Variants in ARHGEF10L observed in about 807,000 individuals in gnomAD.
ARHGEF10L encodes the protein Rho guanine nucleotide exchange factor 10 like.
ARHGEF10L carries 69 observed loss-of-function variants against 141.2 expected under a neutral mutation model. The observed-to-expected ratio is 0.49, with a 90% CI of 0.40 to 0.60. The LOEUF (loss-of-function observed/expected upper bound fraction) is 0.60. Ranked by LOEUF, ARHGEF10L falls within the 20% of genes least tolerant of loss-of-function variation. The probability of loss-of-function intolerance (pLI) is 0.00; values close to 1 mark genes in which losing one functional copy is unlikely to be tolerated. For synonymous variants in ARHGEF10L, 711 were observed against 718.5 expected, an observed-to-expected ratio of 0.99 and a Z score of 0.17; for missense variants, 1,482 against 1,734.3, an observed-to-expected ratio of 0.85 and a Z score of 2.58.
In ARHGEF10L at chr1:17,623,968, C is replaced by A. The variant is rs2060242339; in HGVS notation, c.1201-419C>A. ...TGGTAACTCAACTCTGGGCACGCTG[C>A]CCGGTGAGAGGCCAGGAGCACTTTC... On this transcript the variant is annotated intron_variant, in intron 12 of 28. Coordinates refer to ENST00000361221, the MANE Select transcript of ARHGEF10L (RefSeq NM_018125.4). The surrounding 1 kb of genome is among the most constrained non-coding windows in gnomAD (Gnocchi z 4.7). Among the ~76,000 whole-genome samples, 1 of 152,168 alleles carries A rather than the reference C, an allele frequency of 6.6e-6. No homozygotes were observed. Among genetic ancestry groups the A allele is most frequent in the South Asian group, 2.1e-4 (1 of 4,834 alleles).
intron 5 of ARHGEF10L, 69 bp downstream of exon 5, chr1:17,602,287 C>A: frequency 6.6e-7 from 1 of 1,507,152 alleles, no homozygotes; most frequent in East Asian, 2.5e-5. Flanking sequence ...TCTTTCTAAC[C>A]CAAGAGAGCT....
chr1:17,599,539 G>A (rs544203181), intron 4 of ARHGEF10L, among the ~76,000 whole-genome samples: 5 of 152,290 alleles, frequency 3.3e-5, no homozygotes, highest in African/African-American at 9.6e-5. Flanking sequence ...GCAATTCCGA[G>A]CAACTGATGT....
intron 27 of ARHGEF10L, among the ~76,000 whole-genome samples, chr1:17,690,710 T>C (rs2065038469): frequency 6.6e-6 from 1 of 152,162 alleles, no homozygotes; most frequent in Non-Finnish European, 1.5e-5. Context: ...CAGTGGAGCC[T>C]GGGGCCCTGC....
chr1:17,567,190 T>G (rs1221687407), intron 1 of ARHGEF10L, among the ~76,000 whole-genome samples: 2 of 152,222 alleles, frequency 1.3e-5, no homozygotes, highest in African/African-American at 4.8e-5. Context: ...CTAGCATTTT[T>G]GGGCACCTGT....
Position 17,619,478 on chromosome 1 carries a change from C to G in ARHGEF10L, c.942+33C>G. 6.8e-7 allele frequency: 1 copy of G among 1,468,392 alleles called. No individual in the cohort carries two copies. The highest frequency in any genetic ancestry group is 9.2e-7 in the Non-Finnish European group (1 of 1,090,904). 91.0% of individuals were successfully genotyped at this position (1,468,392 alleles called of 1,614,324 possible). The stretch of plus-strand genomic sequence containing the variant: ...GGGGAGTGGGGCAGGTGGGGGTCTG[C>G]AGGGGAAGGGGTGGCTTGGGGGTTC... On this transcript the variant is annotated intron_variant, in intron 10 of 28. Coordinates refer to ENST00000361221, the MANE Select transcript of ARHGEF10L (RefSeq NM_018125.4). This position sits in a 1 kb window ranked among gnomAD's most constrained non-coding sequence, Gnocchi z 5.0.
In ARHGEF10L at chr1:17,673,566, A is replaced by G. The variant is rs542565551; in HGVS notation, c.3009+8971A>G. On this transcript the variant is annotated intron_variant, in intron 26 of 28. Transcript: ENST00000361221. This position sits in a 1 kb window ranked among gnomAD's most constrained non-coding sequence, Gnocchi z 4.1. ...TGCAGAGGGTGTAGGCTAGTGCCTA[A>G]TGCACACTCAGGCAGAGTGGCCGCT... Among the ~76,000 whole-genome samples the G allele has an allele frequency of 1.3e-5, 2 of 152,274 alleles. No homozygotes were observed. The highest frequency in any genetic ancestry group is 3.9e-4 in the East Asian group (2 of 5,176).
chr1:17,675,519 G>T (rs2063597622), intron 26 of ARHGEF10L, among the ~76,000 whole-genome samples: 3 of 150,910 alleles, frequency 2.0e-5, no homozygotes, highest in Non-Finnish European at 4.4e-5. Flanking sequence ...ACAGGTTTGT[G>T]TGCATGTGTG....
chr1:17,592,160 C>G (rs376739424), intron 4 of ARHGEF10L, among the ~76,000 whole-genome samples: 1 of 152,232 alleles, frequency 6.6e-6, no homozygotes, highest in South Asian at 2.1e-4. Flanking sequence ...GTGAGCGCCA[C>G]AGATCGCTGG....
Position 17,607,020 on chromosome 1 carries a change from A to C in ARHGEF10L, c.434-782A>C, listed in dbSNP as rs2081241939. 6.6e-6 allele frequency among the ~76,000 whole-genome samples: 1 copy of C among 152,220 alleles called. No individual in the cohort carries two copies. The highest frequency in any genetic ancestry group is 2.4e-5 in the African/African-American group (1 of 41,466). On this transcript the variant is annotated intron_variant, in intron 6 of 28. Transcript: ENST00000361221. This position sits in a 1 kb window ranked among gnomAD's most constrained non-coding sequence, Gnocchi z 4.5. ...GAAAGGAGCTCCTGGACTCTGGGCC[A>C]GCTGCGCCCCCTACTGGAAGATCCC...
intron 4 of ARHGEF10L, among the ~76,000 whole-genome samples, chr1:17,589,719 C>G (rs1331205288): frequency 6.6e-6 from 1 of 152,202 alleles, no homozygotes; most frequent in South Asian, 2.1e-4. Flanking sequence ...ATTCGTCCTG[C>G]ACCTGGGCTG....
chr1:17,586,231 T>C (rs148521089), intron 2 of ARHGEF10L, among the ~76,000 whole-genome samples: 229 of 152,306 alleles, frequency 1.5e-3, no homozygotes, highest in African/African-American at 5.1e-3. Context: ...ATGGGGAAAG[T>C]GCTGTTTTTA....
At chr1:17,546,220 C>T (rs888525254) in intron 1 of ARHGEF10L, among the ~76,000 whole-genome samples, 6 of 152,172 alleles carry the variant, frequency 3.9e-5, no homozygotes, top group Non-Finnish European at 7.3e-5. Context: ...GCCCCTGCAT[C>T]TGTGGCTGGT....
At position 17,587,589 on chromosome 1, in the gene ARHGEF10L, C is replaced by A. The variant is rs762402260; in HGVS notation, c.167C>A (p.Ala56Asp). Residue 56 changes from alanine to aspartate, a missense_variant, in exon 3 of 29, where the codon GCT becomes GAT. By Grantham distance (126) the Ala-to-Asp change is moderately radical. Coordinates refer to ENST00000361221, the MANE Select transcript of ARHGEF10L (RefSeq NM_018125.4). ...GCAGCCCTGGGCGTCCCCAGCCTTG[C>A]TCCTGAGAGGGACACAGACCCCCCA... Reference protein sequence around the residue: ...TSAALGVPSLAPERDTDPPLI... With the variant: ...TSAALGVPSLDPERDTDPPLI... The A allele has an allele frequency of 6.2e-7, 1 of 1,614,164 alleles. No homozygotes were observed. Among genetic ancestry groups the A allele is most frequent in the Non-Finnish European group, 8.5e-7 (1 of 1,180,016 alleles).
In ARHGEF10L at chr1:17,624,278, G is replaced by A. The variant is rs976607761; in HGVS notation, c.1201-109G>A. On this transcript the variant is annotated intron_variant, in intron 12 of 28. Coordinates refer to ENST00000361221, the MANE Select transcript of ARHGEF10L (RefSeq NM_018125.4). ...AAGGGAGTGTGGGGTGAGTGCAGGC[G>A]CCCTTCTGCTCCCTGCCTTGAGGCG... The A allele has an allele frequency of 2.4e-5, 19 of 797,944 alleles. No individual in the cohort carries two copies. The Middle Eastern group carries it at 7.9e-4, about 33-fold the overall frequency. The allele number at this position is 797,944 out of a possible 1,614,324, so 49.4% of individuals were successfully genotyped here.
intron 1 of ARHGEF10L, among the ~76,000 whole-genome samples, chr1:17,576,841 G>A (rs1015234762): frequency 6.6e-6 from 1 of 152,166 alleles, no homozygotes; most frequent in African/African-American, 2.4e-5. Flanking sequence ...GAATCATCCC[G>A]GCACCAAATC....
chr1:17,633,052 T>C (rs1464889818), intron 16 of ARHGEF10L, among the ~76,000 whole-genome samples: 1 of 152,224 alleles, frequency 6.6e-6, no homozygotes, highest in African/African-American at 2.4e-5. Flanking sequence ...TCAGTTGCTT[T>C]AGGCTCCTGG....
At position 17,597,118 on chromosome 1, in the gene ARHGEF10L, CTGCTTCTGCCTT is replaced by C. The variant is rs1317862387; in HGVS notation, c.258-5007_258-4996del. On this transcript the variant is annotated intron_variant, in intron 4 of 28. Transcript: ENST00000361221. ...TTTCCTCTCTTCCCTGCTTCTGCAT[CTGCTTCTGCCTT>C]TTCCTCCCCATCTCCTGCCCCTCAC... is the stretch of plus-strand genomic sequence containing the variant. Among the ~76,000 whole-genome samples, 3 of 152,178 alleles carry C rather than the reference CTGCTTCTGCCTT, an allele frequency of 2.0e-5. No individual in the cohort carries two copies. The East Asian group carries it at 5.8e-4, about 29-fold the overall frequency.
chr1:17,655,942 C>A lies in ARHGEF10L; in HGVS notation c.2545C>A (p.Pro849Thr). The A allele has an allele frequency of 6.4e-7, 1 of 1,559,702 alleles. No homozygotes were observed. The highest frequency in any genetic ancestry group is 2.0e-4 in the Middle Eastern group (1 of 4,920). ...AATCTTTTCCTTGAACCGGCCCTCG[C>A]CCCGCACCGTCAAGTCCTTCCCACT... ...VEIFSLNRPS[P>T]RTVKSFPLAA... The change falls in exon 24 of 29, where the codon CCC (proline) becomes ACC (threonine). Residue 849 changes from proline (P) to threonine (T), a missense_variant. Transcript: ENST00000361221.
chr1:17,518,728 GT>G, the ARHGEF10L span, among the ~76,000 whole-genome samples: 3 of 150,188 alleles, frequency 2.0e-5, no homozygotes, highest in Non-Finnish European at 4.4e-5. Flanking sequence ...GGAGGCGGAG[GT>G]TGCGGTGAGC....
Sources: gnomAD v4.1 joint callset for allele counts (sites outside exome capture counted in the v4.1 genomes callset) on GRCh38, gnomAD v4.1.1 for gene constraint, Gnocchi (gnomAD v3.1) non-coding constraint, MANE v1.5 for transcripts, NCBI Gene and HGNC (gene_info 2026-07-23, HGNC 2026-07-21) for gene names.